Variants in RBMS2 observed in about 807,000 individuals in gnomAD.
RBMS2 encodes RNA binding motif single stranded interacting protein 2.
In RBMS2, 38 loss-of-function variants were observed where a neutral mutation model predicts 58.4. The observed-to-expected ratio is 0.65, with a 90% CI of 0.50 to 0.85. RBMS2 has a LOEUF of 0.85. Among genes scored for constraint, RBMS2 ranks in the 40% least tolerant of loss-of-function variants. The pLI is 0.00. For synonymous variants in RBMS2, 151 were observed against 180.7 expected (o/e 0.84, Z 1.32); for missense variants, 367 against 503.7 (o/e 0.73, Z 2.60).
intron 1 of RBMS2, among the ~76,000 whole-genome samples, chr12:56,553,382 G>A (rs1878630318): frequency 1.3e-5 from 2 of 152,006 alleles, no homozygotes; most frequent in Non-Finnish European, 2.9e-5. Flanking sequence ...AGGCTGGAGG[G>A]CAGTGGTGTG....
chr12:56,526,557 A>G (rs1246933615), intron 1 of RBMS2, among the ~76,000 whole-genome samples: 1 of 151,014 alleles, frequency 6.6e-6, no homozygotes, highest in Non-Finnish European at 1.5e-5. Flanking sequence ...TGGAATTAAA[A>G]TAGTTACTGA....
At chr12:56,576,489 T>C (rs1883148894) in intron 5 of RBMS2, among the ~76,000 whole-genome samples, 1 of 152,204 alleles carries the variant, frequency 6.6e-6, no homozygotes, top group African/African-American at 2.4e-5. Flanking sequence ...GGTTTGGTAC[T>C]ATCCATGGTT....
intron 1 of RBMS2, among the ~76,000 whole-genome samples, chr12:56,552,914 TAA>T (rs1878521059): frequency 7.1e-6 from 1 of 140,980 alleles, no homozygotes; most frequent in South Asian, 2.3e-4. Context: ...CTTTTAAAAT[TAA>T]GAGTCCTTTT....
Position 56,569,000 on chromosome 12 carries a change from G to A in RBMS2, c.259G>A (p.Ala87Thr). ...ATATGGCAAGATTGTTTCCACTAAG[G>A]CCATACTGGACAAGACCACAAACAA... ...QPYGKIVSTK[A>T]ILDKTTNKCK... The change falls in exon 3 of 14, where the codon GCC becomes ACC. Residue 87 changes from alanine (A) to threonine (T), a missense_variant. Ala to Thr is a moderately conservative substitution (Grantham distance 58). Coordinates refer to ENST00000262031, the MANE Select transcript of RBMS2 (RefSeq NM_002898.4). 1 of 1,613,146 alleles carries A rather than the reference G, an allele frequency of 6.2e-7. No homozygotes were observed. Among genetic ancestry groups the A allele is most frequent in the Non-Finnish European group, 8.5e-7 (1 of 1,179,178 alleles).
Position 56,594,439 on chromosome 12 carries a change from T to TA in RBMS2, c.*5310dup. 1 of 152,364 alleles carries TA rather than the reference T, an allele frequency of 6.6e-6. No individual in the cohort carries two copies. Among genetic ancestry groups the TA allele is most frequent in the South Asian group, 2.1e-4 (1 of 4,832 alleles). 9.4% of individuals were successfully genotyped at this position (152,364 alleles called of 1,614,324 possible). A position where few individuals can be genotyped will look rare whatever the true frequency, so the allele number is the denominator to read the frequency against. ...GCTTCAGAGACGAGGGTGGGTGTTA[T>TA]AAAAGCCAGTCTGTAAAGGGTAAAT... On this transcript the variant is annotated 3_prime_UTR_variant, in exon 14 of 14. Coordinates refer to ENST00000262031, the MANE Select transcript of RBMS2 (RefSeq NM_002898.4).
intron 1 of RBMS2, among the ~76,000 whole-genome samples, chr12:56,529,388 A>G (rs1305743511): frequency 1.3e-5 from 2 of 152,114 alleles, no homozygotes; most frequent in Admixed American, 1.3e-4. Flanking sequence ...GCAAAACCCC[A>G]TCTCTACAAA....
chr12:56,528,519 A>T (rs771719612), intron 1 of RBMS2, among the ~76,000 whole-genome samples: 5 of 152,184 alleles, frequency 3.3e-5, no homozygotes, highest in Non-Finnish European at 7.3e-5. Context: ...AAACATCTGA[A>T]TCGATGTTTA....
At chr12:56,537,762 C>T (rs1875189370) in intron 1 of RBMS2, among the ~76,000 whole-genome samples, 1 of 151,754 alleles carries the variant, frequency 6.6e-6, no homozygotes, top group Admixed American at 6.6e-5. Context: ...CTATTTTTAA[C>T]TTTTTCAGGA....
intron 9 of RBMS2, among the ~76,000 whole-genome samples, chr12:56,584,287 G>A (rs995681698): frequency 6.6e-6 from 1 of 151,968 alleles, no homozygotes; most frequent in African/African-American, 2.4e-5. Context: ...ACAAAAATTA[G>A]CCAGGTGAGG....
chr12:56,567,622 A>G (rs1159709721), intron 2 of RBMS2, among the ~76,000 whole-genome samples: 1 of 152,112 alleles, frequency 6.6e-6, no homozygotes, highest in Non-Finnish European at 1.5e-5. Flanking sequence ...GGACTGCTTG[A>G]GGCCAGGAGT....
chr12:56,562,446 A>C lies in RBMS2; in HGVS notation c.96A>C (p.Ala32=), dbSNP rs1880596356. 6.2e-7 allele frequency: 1 copy of C among 1,608,876 alleles called. No homozygotes were observed. The highest frequency in any genetic ancestry group is 8.5e-7 in the Non-Finnish European group (1 of 1,175,410). The change falls in exon 2 of 14, where the codon GCA becomes GCC. Residue 32 remains alanine (A), a synonymous_variant. Transcript: ENST00000262031. The part of the protein sequence containing the change: ...KPYVSLAQQM[A]PPSPSNSTPN... ...ATGTGTCATTGGCTCAGCAGATGGC[A>C]CCACCTAGCCCAAGCAACAGTACAC...
chr12:56,532,931 A>T (rs1874040712), intron 1 of RBMS2, among the ~76,000 whole-genome samples: 1 of 151,002 alleles, frequency 6.6e-6, no homozygotes, highest in African/African-American at 2.4e-5. Context: ...TTTTTATTTT[A>T]TTTTATTTTA....
At chr12:56,550,853 T>TAA (rs1565745797) in intron 1 of RBMS2, among the ~76,000 whole-genome samples, 1 of 142,556 alleles carries the variant, frequency 7.0e-6, no homozygotes, top group Non-Finnish European at 1.5e-5. Context: ...AAAAAATAAA[T>TAA]AAATAAATAA....
chr12:56,538,413 AT>A (rs1164671657), intron 1 of RBMS2, among the ~76,000 whole-genome samples: 1 of 141,196 alleles, frequency 7.1e-6, no homozygotes, highest in Non-Finnish European at 1.5e-5. Context: ...CATTTTTGGG[AT>A]TTTGATATGG....
At chr12:56,538,180 GCA>G (rs1875303350) in intron 1 of RBMS2, among the ~76,000 whole-genome samples, 1 of 151,496 alleles carries the variant, frequency 6.6e-6, no homozygotes, top group African/African-American at 2.4e-5. Context: ...TTACAGACGT[GCA>G]CCACCATGCC....
intron 1 of RBMS2, among the ~76,000 whole-genome samples, chr12:56,555,476 C>T (rs1466238588): frequency 6.6e-6 from 1 of 151,444 alleles, no homozygotes; most frequent in Admixed American, 6.6e-5. Context: ...AGACCTTGGC[C>T]AGGTATGGTG....
At chr12:56,581,744 C>T (rs1388365610) in intron 7 of RBMS2, 89 bp from the exon 8 acceptor site, 20 of 1,495,262 alleles carry the variant, frequency 1.3e-5, no homozygotes, top group East Asian at 2.3e-5. Context: ...ATTTGTTAAA[C>T]CAAAACATTC....
chr12:56,526,618 T>G (rs10876897), intron 1 of RBMS2, among the ~76,000 whole-genome samples: 57,062 of 142,584 alleles, frequency 0.4, 12,870 homozygotes, highest in East Asian at 0.59. Flanking sequence ...AATTTTGTGT[T>G]TTTTTTTTTT....
intron 2 of RBMS2, among the ~76,000 whole-genome samples, chr12:56,564,953 A>G (rs932593180): frequency 6.6e-6 from 1 of 152,172 alleles, no homozygotes; most frequent in Non-Finnish European, 1.5e-5. Context: ...CAGAGGTTGT[A>G]GTGAGCCGAG....
Sources: allele counts gnomAD v4.1 joint callset (sites outside exome capture counted in the v4.1 genomes callset), GRCh38; gene constraint gnomAD v4.1.1; transcripts MANE v1.5; gene names NCBI Gene and HGNC (gene_info 2026-07-23, HGNC 2026-07-21).